The following LRRC4C variants were observed in gnomAD, a reference collection of about 807,000 sequenced individuals.
LRRC4C encodes leucine-rich repeat-containing protein 4C.
LRRC4C carries 5 observed loss-of-function variants against 33.6 expected under a neutral mutation model. The ratio of observed to expected loss-of-function variants is 0.15; its 90% CI spans 0.08 to 0.31. LRRC4C has a LOEUF of 0.31. LRRC4C is among the 10% of genes least tolerant of loss of function. The probability of loss-of-function intolerance (pLI) is 1.00; values close to 1 mark genes in which losing one functional copy is unlikely to be tolerated. For missense variants in LRRC4C, 560 were observed against 796.7 expected (o/e 0.70, Z 3.58); for synonymous variants, 329 against 302.0 (o/e 1.09, Z -0.93).
At chr11:41,137,081 C>T (rs1201880912) in intron 1 of LRRC4C, among the ~76,000 whole-genome samples, 1 of 151,964 alleles carries the variant, frequency 6.6e-6, no homozygotes, top group African/African-American at 2.4e-5. Context: ...AACCCTGACC[C>T]TAGTAAAAAT....
chr11:40,332,358 T>C (rs1198485389), intron 3 of LRRC4C, among the ~76,000 whole-genome samples: 1 of 152,170 alleles, frequency 6.6e-6, no homozygotes, highest in African/African-American at 2.4e-5. Context: ...TTCCTCCCAC[T>C]ATGTGTGTCT....
At chr11:40,957,456 C>T (rs1959009318) in intron 1 of LRRC4C, among the ~76,000 whole-genome samples, 1 of 151,696 alleles carries the variant, frequency 6.6e-6, no homozygotes, top group South Asian at 2.1e-4. Flanking sequence ...CCATCACCCA[C>T]TGTCTCCCTC....
intron 3 of LRRC4C, among the ~76,000 whole-genome samples, chr11:40,423,305 T>G (rs1950587329): frequency 6.6e-6 from 1 of 152,028 alleles, no homozygotes; most frequent in Non-Finnish European, 1.5e-5. Flanking sequence ...AACGGTGTTA[T>G]TTGAATGTGA....
chr11:40,755,561 C>T (rs1297096387), intron 2 of LRRC4C, among the ~76,000 whole-genome samples: 2 of 152,014 alleles, frequency 1.3e-5, no homozygotes, highest in East Asian at 3.9e-4. Flanking sequence ...GATTTTGCAT[C>T]CCACCAGACA....
chr11:40,592,437 A>G (rs11035944), intron 3 of LRRC4C, among the ~76,000 whole-genome samples: 4,400 of 152,194 alleles, frequency 0.029, 222 homozygotes, highest in African/African-American at 0.1. Flanking sequence ...ACAAATTCCC[A>G]TATGATCAAT....
At chr11:40,138,617 G>A (rs12273845) in intron 6 of LRRC4C, among the ~76,000 whole-genome samples, 20,150 of 152,152 alleles carry the variant, frequency 0.13, 1,977 homozygotes, top group African/African-American at 0.28. Context: ...TGCCAGCTCC[G>A]GATTCATTTT....
chr11:41,109,499 G>A (rs1006634487), intron 1 of LRRC4C, among the ~76,000 whole-genome samples: 27 of 152,004 alleles, frequency 1.8e-4, no homozygotes, highest in African/African-American at 6.5e-4. Context: ...ACATTGCTTT[G>A]GCCCCAGAGC....
At chr11:41,147,824 T>C (rs1358113688) in intron 1 of LRRC4C, among the ~76,000 whole-genome samples, 3 of 152,078 alleles carry the variant, frequency 2.0e-5, no homozygotes, top group Non-Finnish European at 2.9e-5. Context: ...GTGGCTCGGC[T>C]CGTGTCTGTA....
At chr11:40,649,086 G>A (rs1188799912) in intron 2 of LRRC4C, among the ~76,000 whole-genome samples, 1 of 152,170 alleles carries the variant, frequency 6.6e-6, no homozygotes, top group African/African-American at 2.4e-5. Context: ...CAAAACTACT[G>A]ATAAAGGTCT....
chr11:40,174,130 C>G (rs907245648), intron 5 of LRRC4C, among the ~76,000 whole-genome samples: 1 of 152,092 alleles, frequency 6.6e-6, no homozygotes, highest in Non-Finnish European at 1.5e-5. Context: ...GGTGTTAGCA[C>G]GCTGCATGAA....
intron 1 of LRRC4C, among the ~76,000 whole-genome samples, chr11:40,945,869 C>A (rs993652981): frequency 6.6e-6 from 1 of 152,164 alleles, no homozygotes; most frequent in Non-Finnish European, 1.5e-5. Context: ...ATAATCCATA[C>A]ATATGAATAT....
chr11:40,362,066 A>C (rs937557639), intron 3 of LRRC4C, among the ~76,000 whole-genome samples: 1 of 152,184 alleles, frequency 6.6e-6, no homozygotes, highest in African/African-American at 2.4e-5. Context: ...CTATATGCAG[A>C]AGATTGAAAC....
chr11:41,395,201 A>G (rs1234724501), intron 1 of LRRC4C, among the ~76,000 whole-genome samples: 1 of 151,984 alleles, frequency 6.6e-6, no homozygotes, highest in Non-Finnish European at 1.5e-5. Flanking sequence ...CAGAGAAAAA[A>G]TGAGCGCCTA....
At chr11:40,780,973 C>G (rs774815782) in intron 2 of LRRC4C, among the ~76,000 whole-genome samples, 1 of 152,040 alleles carries the variant, frequency 6.6e-6, no homozygotes, top group Non-Finnish European at 1.5e-5. Flanking sequence ...CACTTACTGA[C>G]AGCGATATGT....
chr11:40,277,740 G>A (rs970480952), intron 4 of LRRC4C, among the ~76,000 whole-genome samples: 2 of 151,954 alleles, frequency 1.3e-5, no homozygotes, highest in Non-Finnish European at 2.9e-5. Flanking sequence ...CTTTAAAAAG[G>A]GTGCTTACTG....
At chr11:40,981,592 C>A (rs1024869044) in intron 1 of LRRC4C, among the ~76,000 whole-genome samples, 1 of 152,020 alleles carries the variant, frequency 6.6e-6, no homozygotes, top group Non-Finnish European at 1.5e-5. Flanking sequence ...TTCCTGGGGC[C>A]GAAGTCACAA....
intron 1 of LRRC4C, among the ~76,000 whole-genome samples, chr11:41,432,447 T>A (rs1262208366): frequency 2.0e-5 from 3 of 152,106 alleles, no homozygotes; most frequent in Non-Finnish European, 4.4e-5. Flanking sequence ...AATGCTTTCC[T>A]GGGTAGAAAA....
At chr11:40,478,365 T>A (rs568557799) in intron 3 of LRRC4C, among the ~76,000 whole-genome samples, 1 of 152,320 alleles carries the variant, frequency 6.6e-6, no homozygotes, top group African/African-American at 2.4e-5. Flanking sequence ...GGCAAGAACT[T>A]ATACTTGACA....
At chr11:40,633,193 G>T (rs2136031561) in intron 3 of LRRC4C, among the ~76,000 whole-genome samples, 1 of 152,186 alleles carries the variant, frequency 6.6e-6, no homozygotes, top group African/African-American at 2.4e-5. Context: ...AGTCATCTTT[G>T]TTCACAGAAT....
Sources: gnomAD v4.1 joint callset for allele counts (sites outside exome capture counted in the v4.1 genomes callset) on GRCh38, gnomAD v4.1.1 for gene constraint, MANE v1.5 for transcripts, NCBI Gene and HGNC (gene_info 2026-07-23, HGNC 2026-07-21) for gene names.